Variants in TMC8 observed in about 807,000 individuals in gnomAD.
TMC8 encodes the protein transmembrane channel like 8.
TMC8 carries 71 observed loss-of-function variants against 76.0 expected under a neutral mutation model. The ratio of observed to expected loss-of-function variants is 0.93; its 90% CI spans 0.77 to 1.14. The LOEUF is 1.14. Among genes scored for constraint, TMC8 ranks in the 50% most tolerant of loss-of-function variants. The pLI is 0.00. For synonymous variants in TMC8, 433 were observed against 433.8 expected (o/e 1.00, Z 0.02); for missense variants, 924 against 947.9 (o/e 0.97, Z 0.33).
At chr17:78,136,008 T>G (rs2075218247) in intron 9 of TMC8, among the ~76,000 whole-genome samples, 1 of 152,120 alleles carries the variant, frequency 6.6e-6, no homozygotes, top group South Asian at 2.1e-4. Flanking sequence ...GAGCAGAGAT[T>G]GCGCCACTAC....
intron 8 of TMC8, 42 bp from the exon 9 acceptor site, chr17:78,134,827 GC>G: frequency 1.2e-6 from 2 of 1,610,926 alleles, no homozygotes. Flanking sequence ...GCAGACAGGG[GC>G]CCCCCAGCAC....
In TMC8 at chr17:78,131,876, G is replaced by A; in HGVS notation, c.150-6G>A. Reference sequence around the variant, plus strand: ...CAGGGGCGCCCCTGTCACCACCCCCGTCCAGGCAGCTGCGGGAGCCCGCGG... The same window carrying A: ...CAGGGGCGCCCCTGTCACCACCCCCATCCAGGCAGCTGCGGGAGCCCGCGG... On this transcript the variant is annotated splice_polypyrimidine_tract_variant and splice_region_variant and intron_variant, in intron 2 of 15. Coordinates refer to ENST00000318430, the MANE Select transcript of TMC8 (RefSeq NM_152468.5). 4 of 1,458,188 alleles carry A rather than the reference G, an allele frequency of 2.7e-6. No individual in the cohort carries two copies. The highest frequency in any genetic ancestry group is 1.4e-5 in the South Asian group (1 of 71,480). The allele number at this position is 1,458,188 out of a possible 1,614,324, so 90.3% of individuals were successfully genotyped here.
Position 78,138,420 on chromosome 17 carries a change from G to T in TMC8, c.1605G>T (p.Gln535His). ...FRASSSTFFF[Q>H]LVLLLGLLLA... ...CCTCCAGCTCCACCTTCTTCTTCCA[G>T]CTAGTGCTCCTCCTGGGCCTGCTTC... Residue 535 changes from glutamine (Q) to histidine (H), a missense_variant, in exon 13 of 16, where the codon CAG becomes CAT. Physicochemically the swap from Gln to His is conservative, Grantham distance 24 (BLOSUM62 0). Coordinates refer to ENST00000318430, the MANE Select transcript of TMC8 (RefSeq NM_152468.5). The T allele has an allele frequency of 6.2e-7, 1 of 1,612,902 alleles. No homozygotes were observed. The highest frequency in any genetic ancestry group is 8.5e-7 in the Non-Finnish European group (1 of 1,180,014).
chr17:78,137,235 G>C lies in TMC8; in HGVS notation c.1128G>C (p.Trp376Cys). ...PNTEVNLTLI[W>C]CVVLKLASLG... The stretch of plus-strand genomic sequence containing the variant: ...CACCTGACAAGGTCCCTGCCCCCAG[G>C]TGCGTGGTGCTGAAGCTGGCCAGCT... Residue 376 changes from tryptophan to cysteine, a missense_variant and splice_region_variant, in exon 10 of 16, where the codon TGG becomes TGC. Trp to Cys is a radical substitution (Grantham distance 215). Transcript: ENST00000318430. 3.1e-6 allele frequency: 5 copies of C among 1,613,752 alleles called. No homozygotes were observed. The highest frequency in any genetic ancestry group is 4.2e-6 in the Non-Finnish European group (5 of 1,179,914).
Position 78,133,997 on chromosome 17 carries a change from C to A in TMC8, c.813C>A (p.Phe271Leu). 6.2e-7 allele frequency: 1 copy of A among 1,613,690 alleles called. No homozygotes were observed. The highest frequency in any genetic ancestry group is 1.1e-5 in the South Asian group (1 of 91,058). Residue 271 changes from phenylalanine to leucine, a missense_variant, in exon 7 of 16, where the codon TTC becomes TTA. Physicochemically the swap from Phe to Leu is conservative, Grantham distance 22 (BLOSUM62 0). Transcript: ENST00000318430. Reference protein sequence around the residue: ...TIKKHEISNEFKVELEEGRRF... With the variant: ...TIKKHEISNELKVELEEGRRF... ...AGAAGCATGAGATCAGCAACGAGTT[C>A]AAGGTGTGTGCACGAGTGAGTGCCT...
rs1291842801 is a variant in TMC8, at chr17:78,141,677, G to A, written c.*565G>A. 1 of 152,270 alleles carries A rather than the reference G, an allele frequency of 6.6e-6. No homozygotes were observed. The highest frequency in any genetic ancestry group is 2.4e-5 in the African/African-American group (1 of 41,464). The allele number at this position is 152,270 out of a possible 1,614,324, so 9.4% of individuals were successfully genotyped here. On this transcript the variant is annotated 3_prime_UTR_variant, in exon 16 of 16. Transcript: ENST00000318430. The stretch of plus-strand genomic sequence containing the variant: ...GGCCAGAGCTGGGATTTGAACCCAG[G>A]CACTCGGGCTCCAGAGCCACACTGC...
At chr17:78,140,542 G>A (rs2075347626) in intron 15 of TMC8, among the ~76,000 whole-genome samples, 1 of 151,880 alleles carries the variant, frequency 6.6e-6, no homozygotes, top group Non-Finnish European at 1.5e-5. Flanking sequence ...TTGGGGGCGG[G>A]GCCCTTGGAG....
At chr17:78,135,264 G>A (rs531083638) in intron 9 of TMC8, among the ~76,000 whole-genome samples, 2 of 152,356 alleles carry the variant, frequency 1.3e-5, no homozygotes, top group Non-Finnish European at 2.9e-5. Flanking sequence ...GCAAGGGACT[G>A]TGGCCAGGGG....
Position 78,133,920 on chromosome 17 carries a change from G to C in TMC8, c.736G>C (p.Val246Leu), listed in dbSNP as rs373643486. 6.2e-7 allele frequency: 1 copy of C among 1,613,520 alleles called. No individual in the cohort carries two copies. The highest frequency in any genetic ancestry group is 8.5e-7 in the Non-Finnish European group (1 of 1,180,048). ...QGYQAPLSAK[V>L]FSSWDFCIRV... The stretch of plus-strand genomic sequence containing the variant: ...CTATCAGGCGCCTCTCAGCGCCAAG[G>C]TCTTCTCCTCATGGGACTTCTGCAT... The change falls in exon 7 of 16, where the codon GTC (valine) becomes CTC (leucine). Residue 246 changes from valine to leucine, a missense_variant. By Grantham distance (32) the Val-to-Leu change is conservative. Coordinates refer to ENST00000318430, the MANE Select transcript of TMC8 (RefSeq NM_152468.5).
chr17:78,137,660 G>A, intron 10 of TMC8, 57 bp from the exon 11 acceptor site: 1 of 1,497,610 alleles, frequency 6.7e-7, no homozygotes, highest in Non-Finnish European at 9.3e-7. Context: ...GAGGCTAAGG[G>A]AAGGAAGGGC....
intron 5 of TMC8, among the ~76,000 whole-genome samples, chr17:78,133,187 C>A (rs1014469718): frequency 6.6e-6 from 1 of 152,316 alleles, no homozygotes; most frequent in East Asian, 1.9e-4. Flanking sequence ...GGGAAGCCAT[C>A]GAGTGGTCAC....
rs775351788 is a variant in TMC8, at chr17:78,137,323, T to G, written c.1216T>G (p.Cys406Gly). The G allele has an allele frequency of 1.2e-6, 2 of 1,613,932 alleles. No homozygotes were observed. The highest frequency in any genetic ancestry group is 1.7e-6 in the Non-Finnish European group (2 of 1,180,034). The change falls in exon 10 of 16, where the codon TGT becomes GGT. Residue 406 changes from cysteine to glycine, a missense_variant. By Grantham distance (159) the Cys-to-Gly change is radical. Coordinates refer to ENST00000318430, the MANE Select transcript of TMC8 (RefSeq NM_152468.5). ...ILCIGRDKSS[C>G]ESYGYNVCDY... ...GTGCATTGGCAGAGACAAGAGCAGC[T>G]GTGAGTCCTACGGCTACAACGTTTG...
intron 14 of TMC8, 178 bp downstream of exon 14, chr17:78,138,910 T>C (rs1212584498): frequency 6.5e-7 from 1 of 1,536,486 alleles, no homozygotes; most frequent in South Asian, 1.2e-5. Flanking sequence ...CCATGGGGAT[T>C]GCAGGATCAC....
At chr17:78,139,048 G>A (rs1156506949) in intron 14 of TMC8, 114 bp from the exon 15 acceptor site, 6 of 1,582,230 alleles carry the variant, frequency 3.8e-6, no homozygotes, top group South Asian at 3.3e-5. Context: ...GCAGTGTGCA[G>A]TGAGAAGACC....
chr17:78,133,627 C>G, intron 6 of TMC8, 85 bp downstream of exon 6: 1 of 1,592,216 alleles, frequency 6.3e-7, no homozygotes, highest in Non-Finnish European at 8.5e-7. Flanking sequence ...CTCCCATTGG[C>G]AGGAAGGCCC....
intron 15 of TMC8, among the ~76,000 whole-genome samples, 162 bp from the exon 16 acceptor site, chr17:78,140,672 A>G (rs899180020): frequency 7.4e-6 from 1 of 135,728 alleles, no homozygotes; most frequent in Non-Finnish European, 1.6e-5. Context: ...TGGCCCTGGG[A>G]GGGTGTGGCC....
In TMC8 at chr17:78,138,565, T is replaced by C. The variant is rs1261710012; in HGVS notation, c.1665-9T>C. 1.9e-6 allele frequency: 3 copies of C among 1,613,652 alleles called. No individual in the cohort carries two copies. Among genetic ancestry groups the C allele is most frequent in the Non-Finnish European group, 2.5e-6 (3 of 1,180,018 alleles). On this transcript the variant is annotated splice_polypyrimidine_tract_variant and intron_variant, in intron 13 of 15. Coordinates refer to ENST00000318430, the MANE Select transcript of TMC8 (RefSeq NM_152468.5). Reference sequence around the variant, plus strand: ...CTGATGCCAGCCCCACTTGGCCATCTCTCGCCAGCATCCACTCCTCCTGGG... The same window carrying C: ...CTGATGCCAGCCCCACTTGGCCATCCCTCGCCAGCATCCACTCCTCCTGGG...
rs62079073 is a variant in TMC8 at position 78,134,866 on chromosome 17, G to T, written c.988-4G>T. 0.076 allele frequency: 121,961 copies of T among 1,613,664 alleles called. 5,020 individuals carry two copies. Among genetic ancestry groups the T allele is most frequent in the Middle Eastern group, 0.13 (777 of 6,046 alleles). On this transcript the variant is annotated splice_region_variant and splice_polypyrimidine_tract_variant and intron_variant, in intron 8 of 15. Transcript: ENST00000318430. The stretch of plus-strand genomic sequence containing the variant: ...GGGCTCCCCTGACCTGCCTTTTCCC[G>T]CAGGAGTCCCTGTTTCTGCTGCTCC...
Position 78,138,112 on chromosome 17 carries a change from G to T in TMC8, c.1457G>T (p.Trp486Leu). 6.2e-7 allele frequency: 1 copy of T among 1,613,972 alleles called. No individual in the cohort carries two copies. The highest frequency in any genetic ancestry group is 1.1e-5 in the South Asian group (1 of 91,088). Reference protein sequence around the residue: ...LDIVAGQTVTWMGLFYCPLLP... With the variant: ...LDIVAGQTVTLMGLFYCPLLP... ...ATCGTGGCGGGGCAGACGGTCACCT[G>T]GATGGGCCTCTTCTACTGCCCCCTG... is the stretch of plus-strand genomic sequence containing the variant. The change falls in exon 12 of 16, where the codon TGG becomes TTG. Residue 486 changes from tryptophan to leucine, a missense_variant. Physicochemically the swap from Trp to Leu is moderately conservative, Grantham distance 61. Transcript: ENST00000318430.
Sources: gnomAD v4.1 joint callset for allele counts (sites outside exome capture counted in the v4.1 genomes callset) on GRCh38, gnomAD v4.1.1 for gene constraint, MANE v1.5 for transcripts, NCBI Gene and HGNC (gene_info 2026-07-23, HGNC 2026-07-21) for gene names.